Variants in ANKRD36 observed in about 807,000 individuals in gnomAD.
The protein encoded by ANKRD36 is ankyrin repeat domain 36.
Under a neutral mutation model 278.1 loss-of-function variants are expected in ANKRD36, and 179 were observed. The observed-to-expected ratio is 0.64, with a 90% CI of 0.57 to 0.73. The LOEUF (loss-of-function observed/expected upper bound fraction) is 0.73, where lower values mean the gene tolerates loss of function less well. Among genes scored for constraint, ANKRD36 ranks in the 30% least tolerant of loss-of-function variants. The pLI, the probability that ANKRD36 is intolerant of heterozygous loss-of-function variation, is 0.00. For missense variants in ANKRD36, 1,159 were observed against 1,956.7 expected (o/e 0.59, Z 7.69); for synonymous variants, 320 against 641.1 (o/e 0.50, Z 7.57).
At chr2:97,262,827 C>G (rs1576710710) in intron 75 of ANKRD36, among the ~76,000 whole-genome samples, 1 of 138,760 alleles carries the variant, frequency 7.2e-6, no homozygotes, top group Non-Finnish European at 1.5e-5. Context: ...TGTCTCTTCA[C>G]CTTTAGCCAC....
chr2:97,135,888 G>A (rs2264236), intron 6 of ANKRD36, among the ~76,000 whole-genome samples: 1 of 151,872 alleles, frequency 6.6e-6, no homozygotes, highest in Non-Finnish European at 1.5e-5. Context: ...TCTGCAGTCA[G>A]TAAAACCACC....
At chr2:97,202,069 C>T in intron 46 of ANKRD36, 133 bp from the exon 47 acceptor site, 6 of 1,532,228 alleles carry the variant, frequency 3.9e-6, no homozygotes, top group African/African-American at 1.4e-5. Context: ...AGTCCCCAGA[C>T]ACAAAGTAGA....
chr2:97,117,091 A>G lies in ANKRD36; in HGVS notation c.198-973A>G, dbSNP rs534729151. Among the ~76,000 whole-genome samples, 194 of 151,146 alleles carry G rather than the reference A, an allele frequency of 1.3e-3. 1 individual carries two copies. Among genetic ancestry groups the G allele is most frequent in the African/African-American group, 4.4e-3 (181 of 41,214 alleles). On this transcript the variant is annotated intron_variant, in intron 1 of 75. Coordinates refer to ENST00000420699, the MANE Select transcript of ANKRD36 (RefSeq NM_001354587.1). The stretch of plus-strand genomic sequence containing the variant: ...ACAAAAGCAATTCTGAAGTTAGAAA[A>G]TAGTGAAAGATAACCTTTAACTGCC...
At chr2:97,195,108 A>G (rs1284906191) in intron 40 of ANKRD36, among the ~76,000 whole-genome samples, 191 bp downstream of exon 40, 1 of 151,980 alleles carries the variant, frequency 6.6e-6, no homozygotes, top group Non-Finnish European at 1.5e-5. Context: ...GTAAGATTAT[A>G]CGCATCCCCA....
At chr2:97,120,543 C>A in intron 3 of ANKRD36, among the ~76,000 whole-genome samples, 1 of 150,798 alleles carries the variant, frequency 6.6e-6, no homozygotes, top group East Asian at 1.9e-4. Context: ...TTGCAGCAGT[C>A]TTATGAACTA....
chr2:97,160,026 G>A (rs1334034761), intron 17 of ANKRD36, among the ~76,000 whole-genome samples: 437 of 146,018 alleles, frequency 3.0e-3, no homozygotes, highest in African/African-American at 8.0e-3. Flanking sequence ...CTCGTGATCT[G>A]CCCGCCTCGG....
intron 26 of ANKRD36, 42 bp from the exon 27 acceptor site, chr2:97,183,417 A>G (rs754010901): frequency 6.5e-7 from 1 of 1,527,720 alleles, no homozygotes; most frequent in Non-Finnish European, 8.8e-7. Flanking sequence ...TGACTTTGTC[A>G]TATTTACATA....
At chr2:97,115,516 CAAG>C (rs1190153237) in intron 1 of ANKRD36, among the ~76,000 whole-genome samples, 7 of 152,016 alleles carry the variant, frequency 4.6e-5, no homozygotes, top group African/African-American at 1.7e-4. Flanking sequence ...TTCAAATAAA[CAAG>C]AACTCTCATT....
intron 12 of ANKRD36, 101 bp downstream of exon 12, chr2:97,149,462 T>C: frequency 1.0e-6 from 1 of 992,448 alleles, no homozygotes; most frequent in Non-Finnish European, 1.4e-6. Flanking sequence ...CATTGTTTTA[T>C]GTTACTATTA....
At chr2:97,195,900 A>AT (rs1445529532) in intron 40 of ANKRD36, among the ~76,000 whole-genome samples, 1 of 151,924 alleles carries the variant, frequency 6.6e-6, no homozygotes, top group African/African-American at 2.4e-5. Flanking sequence ...AATTGATGAC[A>AT]TTTTTATTGA....
At chr2:97,131,586 C>T (rs1374529903) in intron 6 of ANKRD36, among the ~76,000 whole-genome samples, 1 of 152,042 alleles carries the variant, frequency 6.6e-6, no homozygotes, top group Non-Finnish European at 1.5e-5. Context: ...AAGTGGATAA[C>T]TCATCCTACA....
rs2066176482 is a variant in ANKRD36 at position 97,217,192 on chromosome 2, A to C, written c.3689A>C (p.Gln1230Pro). The C allele has an allele frequency of 6.4e-7, 1 of 1,552,602 alleles. No individual in the cohort carries two copies. The highest frequency in any genetic ancestry group is 8.7e-7 in the Non-Finnish European group (1 of 1,149,758). Residue 1230 changes from glutamine to proline, a missense_variant, in exon 63 of 76, where the codon CAA (glutamine) becomes CCA (proline). Gln to Pro is a moderately conservative substitution (Grantham distance 76, BLOSUM62 -1). Coordinates refer to ENST00000420699, the MANE Select transcript of ANKRD36 (RefSeq NM_001354587.1). ...QIRGTVSPQKQSAQKVIFKKK... is the reference protein window; with the variant it reads ...QIRGTVSPQKPSAQKVIFKKK... ...TACTTTTCAGTGTCTCCTCAGAAAC[A>C]ATCGGCCCAGAAGGTAGTTACTCTT...
At chr2:97,129,851 C>T (rs1417481566) in intron 6 of ANKRD36, among the ~76,000 whole-genome samples, 1 of 151,996 alleles carries the variant, frequency 6.6e-6, no homozygotes, top group Non-Finnish European at 1.5e-5. Flanking sequence ...GGTACCAGTA[C>T]CATGCTGTTT....
At chr2:97,133,282 C>A (rs963557393) in intron 6 of ANKRD36, among the ~76,000 whole-genome samples, 5 of 151,582 alleles carry the variant, frequency 3.3e-5, no homozygotes, top group African/African-American at 7.2e-5. Flanking sequence ...ATTTCATTTG[C>A]GTCAGTTGCA....
chr2:97,209,809 G>A lies in ANKRD36; in HGVS notation c.3304G>A (p.Asp1102Asn). The change falls in exon 56 of 76, where the codon GAC (aspartate) becomes AAC (asparagine). Residue 1102 changes from aspartate to asparagine, a missense_variant. Transcript: ENST00000420699. Reference sequence around the variant, plus strand: ...TTCAAATTCCATTCAGGCTACAAGTGACGAGAAAGATTCTGTTTTGTATAT... The same window carrying A: ...TTCAAATTCCATTCAGGCTACAAGTAACGAGAAAGATTCTGTTTTGTATAT... The part of the protein sequence containing the change: ...RKKPALKATS[D>N]EKDSVLYIAR... 6.2e-7 allele frequency: 1 copy of A among 1,600,268 alleles called. No individual in the cohort carries two copies. The highest frequency in any genetic ancestry group is 8.5e-7 in the Non-Finnish European group (1 of 1,175,724).
intron 15 of ANKRD36, among the ~76,000 whole-genome samples, chr2:97,156,147 T>A (rs980793552): frequency 6.8e-6 from 1 of 146,874 alleles, no homozygotes; most frequent in African/African-American, 2.4e-5. Flanking sequence ...GGATTTTAGA[T>A]TAAATTTTCT....
intron 22 of ANKRD36, among the ~76,000 whole-genome samples, chr2:97,178,726 C>T (rs2055164305): frequency 6.6e-6 from 1 of 150,986 alleles, no homozygotes; most frequent in Non-Finnish European, 1.5e-5. Flanking sequence ...ATACCTAATG[C>T]TAGATGATGA....
At chr2:97,174,837 G>T (rs529125149) in intron 22 of ANKRD36, among the ~76,000 whole-genome samples, 4 of 151,602 alleles carry the variant, frequency 2.6e-5, no homozygotes, top group Admixed American at 1.3e-4. Context: ...TAGCATGAAG[G>T]GTTGTTGAAT....
At chr2:97,228,891 T>C (rs1290725847) in intron 67 of ANKRD36, among the ~76,000 whole-genome samples, 1 of 152,020 alleles carries the variant, frequency 6.6e-6, no homozygotes, top group Non-Finnish European at 1.5e-5. Flanking sequence ...CATTTTGTTA[T>C]GTACCCAGTA....
Sources: gnomAD v4.1 joint callset for allele counts (sites outside exome capture counted in the v4.1 genomes callset) on GRCh38, gnomAD v4.1.1 for gene constraint, MANE v1.5 for transcripts, NCBI Gene and HGNC (gene_info 2026-07-23, HGNC 2026-07-21) for gene names.